YAF2: variants seen among roughly 807,000 people sequenced by gnomAD.
YAF2 encodes YY1 associated factor 2.
A neutral mutation model predicts 20.1 loss-of-function variants in YAF2; 7 were observed. The observed-to-expected ratio is 0.35, with a 90% confidence interval of 0.20 to 0.65. The LOEUF (loss-of-function observed/expected upper bound fraction) is 0.65. Among genes scored for constraint, YAF2 ranks in the 30% least tolerant of loss-of-function variants. The pLI is 0.69. For missense variants in YAF2, 151 were observed against 219.2 expected, an observed-to-expected ratio of 0.69 and a Z score of 1.96; for synonymous variants, 74 against 76.0, an observed-to-expected ratio of 0.97 and a Z score of 0.14.
At chr12:42,170,675 T>TATAC (rs1555148715) in intron 2 of YAF2, among the ~76,000 whole-genome samples, 2 of 150,712 alleles carry the variant, frequency 1.3e-5, no homozygotes, top group Admixed American at 6.6e-5. Context: ...CAAAAAACTA[T>TATAC]ACACACACAC....
chr12:42,190,194 A>T (rs1269599426), intron 2 of YAF2, among the ~76,000 whole-genome samples: 1 of 152,094 alleles, frequency 6.6e-6, no homozygotes, highest in Non-Finnish European at 1.5e-5. Context: ...AATTTTAGAA[A>T]TGAGCTGGGC....
chr12:42,161,830 G>T, intron 2 of YAF2, 65 bp from the exon 3 acceptor site: 2 of 1,396,108 alleles, frequency 1.4e-6, no homozygotes, highest in South Asian at 1.3e-5. Flanking sequence ...CTTTATGACA[G>T]AATATCTCAC....
At chr12:42,237,203 G>T (rs1282536984) in intron 2 of YAF2, among the ~76,000 whole-genome samples, 1 of 152,108 alleles carries the variant, frequency 6.6e-6, no homozygotes, top group East Asian at 1.9e-4. Flanking sequence ...CTTTAGGAAC[G>T]AAATTAAATT....
intron 2 of YAF2, among the ~76,000 whole-genome samples, chr12:42,221,426 C>T (rs753963790): frequency 1.3e-5 from 2 of 151,168 alleles, no homozygotes; most frequent in Non-Finnish European, 2.9e-5. Flanking sequence ...TTAAAATTAC[C>T]TGGGTGTGAT....
intron 2 of YAF2, among the ~76,000 whole-genome samples, chr12:42,223,973 C>T (rs761653561): frequency 1.3e-5 from 2 of 151,990 alleles, no homozygotes; most frequent in Non-Finnish European, 2.9e-5. Flanking sequence ...AGCAAACCAC[C>T]GTGGCACATG....
chr12:42,186,906 C>G (rs949179542), intron 2 of YAF2, among the ~76,000 whole-genome samples: 2 of 152,080 alleles, frequency 1.3e-5, no homozygotes, highest in Non-Finnish European at 1.5e-5. Flanking sequence ...TCAGAATTAT[C>G]TGAGCAAGCC....
At chr12:42,177,944 C>T (rs1186282862) in intron 2 of YAF2, among the ~76,000 whole-genome samples, 1 of 152,118 alleles carries the variant, frequency 6.6e-6, no homozygotes, top group Non-Finnish European at 1.5e-5. Flanking sequence ...CTACCTACTA[C>T]ATTACATATT....
chr12:42,212,995 G>C (rs890359744), intron 2 of YAF2, among the ~76,000 whole-genome samples: 1 of 152,218 alleles, frequency 6.6e-6, no homozygotes, highest in Admixed American at 6.5e-5. Flanking sequence ...TGATAAAACA[G>C]ATCAAGGAGC....
chr12:42,225,320 A>G lies in YAF2; in HGVS notation c.152+12279T>C, dbSNP rs552839674. Among the ~76,000 whole-genome samples the G allele has an allele frequency of 5.3e-5, 8 of 152,108 alleles. No homozygotes were observed. In the East Asian group the frequency reaches 1.4e-3, roughly 26 times the overall value. The stretch of plus-strand genomic sequence containing the variant: ...CTCCAATTCTGTAGGTTGCCTGTTC[A>G]CTCTGATGATAGTTTCTTTTGCTGT... On this transcript the variant is annotated intron_variant, in intron 2 of 3. Transcript: ENST00000534854.
At chr12:42,215,528 G>A (rs2067328082) in intron 2 of YAF2, among the ~76,000 whole-genome samples, 1 of 152,194 alleles carries the variant, frequency 6.6e-6, no homozygotes, top group Admixed American at 6.5e-5. Flanking sequence ...TCATTAAAGA[G>A]TGCTATGATT....
chr12:42,178,331 G>C (rs1160992522), intron 2 of YAF2, among the ~76,000 whole-genome samples: 2 of 151,954 alleles, frequency 1.3e-5, no homozygotes, highest in African/African-American at 4.8e-5. Flanking sequence ...ATGAAGCCTG[G>C]TACAGGTTAT....
chr12:42,182,890 A>G (rs1462152069), intron 2 of YAF2, among the ~76,000 whole-genome samples: 1 of 152,224 alleles, frequency 6.6e-6, no homozygotes, highest in East Asian at 1.9e-4. Context: ...ACACAAGAGC[A>G]CATCTCATTT....
rs557521832 is a variant in YAF2 at position 42,158,526 on chromosome 12, G to C, written c.*2063C>G. On this transcript the variant is annotated 3_prime_UTR_variant, in exon 4 of 4. Coordinates refer to ENST00000534854, the MANE Select transcript of YAF2 (RefSeq NM_005748.6). ...ATCCTCCCAAAAACCCTATAAATTA[G>C]ATGTGATTACCATTATTAGCCCTGT... The C allele has an allele frequency of 6.6e-6, 1 of 152,132 alleles. No homozygotes were observed. The highest frequency in any genetic ancestry group is 1.5e-5 in the Non-Finnish European group (1 of 68,018). The allele number at this position is 152,132 out of a possible 1,614,324, so 9.4% of individuals were successfully genotyped here. A position where few individuals can be genotyped will look rare whatever the true frequency, so the allele number is the denominator to read the frequency against.
chr12:42,172,546 T>C (rs916455236), intron 2 of YAF2, among the ~76,000 whole-genome samples: 1 of 152,140 alleles, frequency 6.6e-6, no homozygotes, highest in African/African-American at 2.4e-5. Context: ...ACATTCCTAA[T>C]TGGTAACATA....
chr12:42,199,105 G>T, intron 2 of YAF2: 1 of 1,190,838 alleles, frequency 8.4e-7, no homozygotes, highest in Non-Finnish European at 1.1e-6. Context: ...TCAACAAGAT[G>T]ATTTTAAGGT....
At chr12:42,212,983 A>G (rs2067254350) in intron 2 of YAF2, among the ~76,000 whole-genome samples, 1 of 152,264 alleles carries the variant, frequency 6.6e-6, no homozygotes, top group Non-Finnish European at 1.5e-5. Flanking sequence ...ATATGTTTAT[A>G]GTGATAAAAC....
At chr12:42,164,886 A>T (rs921545375) in intron 2 of YAF2, among the ~76,000 whole-genome samples, 7 of 152,048 alleles carry the variant, frequency 4.6e-5, no homozygotes, top group Non-Finnish European at 1.0e-4. Flanking sequence ...CCTGGGCAAC[A>T]TAGTGAAAAC....
chr12:42,223,121 GAATT>G (rs2067572270), intron 2 of YAF2, among the ~76,000 whole-genome samples: 1 of 152,044 alleles, frequency 6.6e-6, no homozygotes, highest in African/African-American at 2.4e-5. Flanking sequence ...TCCAGTCACA[GAATT>G]AATATTAGAG....
chr12:42,236,040 T>C (rs980937547), intron 2 of YAF2: 1 of 1,532,994 alleles, frequency 6.5e-7, no homozygotes, highest in African/African-American at 1.4e-5. Flanking sequence ...AGTATTTTTC[T>C]AATGGCTACA....
Sources: allele counts gnomAD v4.1 joint callset (sites outside exome capture counted in the v4.1 genomes callset), GRCh38; gene constraint gnomAD v4.1.1; transcripts MANE v1.5; gene names NCBI Gene and HGNC (gene_info 2026-07-23, HGNC 2026-07-21).